Variants in DAB1 observed in about 807,000 individuals in gnomAD.
DAB1 encodes DAB adaptor protein 1.
Under a neutral mutation model 64.6 loss-of-function variants are expected in DAB1, and 15 were observed. The observed-to-expected ratio is 0.23, with a 90% CI of 0.16 to 0.36. DAB1 has a LOEUF of 0.36. Among genes scored for constraint, DAB1 ranks in the 10% least tolerant of loss-of-function variants. The probability of loss-of-function intolerance (pLI) is 1.00; values close to 1 mark genes in which losing one functional copy is unlikely to be tolerated. For synonymous variants in DAB1, 235 were observed against 251.9 expected, an observed-to-expected ratio of 0.93 and a Z score of 0.64; for missense variants, 596 against 706.7, an observed-to-expected ratio of 0.84 and a Z score of 1.78.
chr1:57,215,405 A>G (rs1267950173), intron 2 of DAB1, among the ~76,000 whole-genome samples: 2 of 152,208 alleles, frequency 1.3e-5, no homozygotes, highest in African/African-American at 2.4e-5. Flanking sequence ...ACAAAGTGCC[A>G]CTCAAGAATG....
intron 5 of DAB1, among the ~76,000 whole-genome samples, chr1:58,055,627 T>C (rs1259705265): frequency 6.6e-6 from 1 of 152,234 alleles, no homozygotes; most frequent in Non-Finnish European, 1.5e-5. Context: ...GATGGACATA[T>C]GCTAGATGCT....
At chr1:58,337,899 A>T (rs1450489814) in intron 4 of DAB1, among the ~76,000 whole-genome samples, 1 of 152,090 alleles carries the variant, frequency 6.6e-6, no homozygotes, top group South Asian at 2.1e-4. Flanking sequence ...AGTTGTACAG[A>T]TCTCTTACAC....
intron 3 of DAB1, chr1:58,468,286 T>C (rs1186973781): frequency 6.6e-6 from 1 of 152,254 alleles, no homozygotes; most frequent in Non-Finnish European, 1.5e-5. Context: ...TGACATTGTT[T>C]CACAAGTTTT....
intron 3 of DAB1, among the ~76,000 whole-genome samples, chr1:58,434,874 C>T (rs1466141460): frequency 6.6e-6 from 1 of 152,222 alleles, no homozygotes; most frequent in East Asian, 1.9e-4. Context: ...ACAGTCTCCC[C>T]ACCCAGCAGT....
upstream of DAB1, among the ~76,000 whole-genome samples, chr1:57,425,707 T>A (rs900033834): frequency 1.3e-5 from 2 of 152,142 alleles, no homozygotes; most frequent in Non-Finnish European, 2.9e-5. Flanking sequence ...CAGATGAAAT[T>A]TCCAAAAAGG....
At chr1:57,272,102 GT>G (rs1338711821) in intron 2 of DAB1, among the ~76,000 whole-genome samples, 2 of 152,170 alleles carry the variant, frequency 1.3e-5, no homozygotes, top group Non-Finnish European at 2.9e-5. Context: ...AGATGTTGGC[GT>G]TTGATTTTCT....
rs144340906 is a variant in DAB1 at position 58,053,628 on chromosome 1, G to A, written n.387+96883C>T. ...GGAGGGGACAAATATCTAAACCATA[G>A]CAGATGGTAAATGAAAATAGAAAAT... On this transcript the variant is annotated intron_variant and non_coding_transcript_variant, in intron 5 of 20. Transcript: ENST00000485760. 6.0e-3 allele frequency among the ~76,000 whole-genome samples: 915 copies of A among 152,178 alleles called. 14 individuals are homozygous for A. Among genetic ancestry groups the A allele is most frequent in the African/African-American group, 0.021 (864 of 41,512 alleles).
intron 5 of DAB1, among the ~76,000 whole-genome samples, chr1:57,919,068 G>C (rs1427495889): frequency 6.6e-6 from 1 of 152,200 alleles, no homozygotes; most frequent in Non-Finnish European, 1.5e-5. Flanking sequence ...TTTGGAGTAA[G>C]AGAGACCTCA....
chr1:57,462,106 G>A (rs12033540), intron 7 of DAB1, among the ~76,000 whole-genome samples: 11 of 151,564 alleles, frequency 7.3e-5, no homozygotes, highest in African/African-American at 1.9e-4. Context: ...CTGCCACCAC[G>A]CCCGGCTAAT....
downstream of DAB1, among the ~76,000 whole-genome samples, chr1:57,821,324 G>A (rs1222177922): frequency 2.4e-4 from 36 of 152,022 alleles, no homozygotes; most frequent in Admixed American, 2.4e-3. Flanking sequence ...AATAAAAAAA[G>A]CACCCTTCCC....
chr1:57,024,595 G>A (rs1646726605), intron 10 of DAB1, among the ~76,000 whole-genome samples: 2 of 152,140 alleles, frequency 1.3e-5, no homozygotes, highest in African/African-American at 2.4e-5. Flanking sequence ...TTTGGACTGC[G>A]CTTGGGTTCA....
chr1:57,236,374 C>G (rs1057196176), intron 2 of DAB1, among the ~76,000 whole-genome samples: 2 of 152,070 alleles, frequency 1.3e-5, no homozygotes, highest in African/African-American at 4.8e-5. Context: ...TTCGGCCGGA[C>G]CTGAAAAGCG....
intron 6 of DAB1, among the ~76,000 whole-genome samples, chr1:57,654,522 T>C (rs913954172): frequency 6.6e-6 from 1 of 152,246 alleles, no homozygotes; most frequent in African/African-American, 2.4e-5. Context: ...CTATACTAAA[T>C]TTGTTTGCTT....
chr1:58,497,195 C>T (rs1645817123), intron 3 of DAB1, among the ~76,000 whole-genome samples: 1 of 152,156 alleles, frequency 6.6e-6, no homozygotes, highest in African/African-American at 2.4e-5. Context: ...ATTATATGTA[C>T]TCACCAATTC....
At chr1:58,027,140 C>T (rs1646906383) in intron 5 of DAB1, among the ~76,000 whole-genome samples, 1 of 152,168 alleles carries the variant, frequency 6.6e-6, no homozygotes, top group Non-Finnish European at 1.5e-5. Flanking sequence ...TTGCCAAAGA[C>T]CATGATGTCT....
At chr1:58,304,114 T>C (rs1350823092) in intron 4 of DAB1, among the ~76,000 whole-genome samples, 1 of 152,076 alleles carries the variant, frequency 6.6e-6, no homozygotes, top group Non-Finnish European at 1.5e-5. Flanking sequence ...CCAGAGCATA[T>C]AAGGGCGAGA....
At chr1:57,111,723 G>C (rs1449649903) in intron 4 of DAB1, among the ~76,000 whole-genome samples, 3 of 152,038 alleles carry the variant, frequency 2.0e-5, no homozygotes, top group African/African-American at 7.2e-5. Flanking sequence ...TATTTACATG[G>C]TTATTGCCTG....
At chr1:58,104,094 C>A (rs1473094529) in intron 5 of DAB1, among the ~76,000 whole-genome samples, 2 of 152,206 alleles carry the variant, frequency 1.3e-5, no homozygotes, top group Non-Finnish European at 2.9e-5. Flanking sequence ...CCAACAGCTG[C>A]TAAGAAACCT....
intron 1 of DAB1, among the ~76,000 whole-genome samples, chr1:57,393,724 A>T (rs1558301109): frequency 6.6e-6 from 1 of 152,050 alleles, no homozygotes; most frequent in Non-Finnish European, 1.5e-5. Context: ...CCAAATCTGG[A>T]TGGGCAATTG....
Sources: gnomAD v4.1 joint callset for allele counts (sites outside exome capture counted in the v4.1 genomes callset) on GRCh38, gnomAD v4.1.1 for gene constraint, MANE v1.5 for transcripts, NCBI Gene and HGNC (gene_info 2026-07-23, HGNC 2026-07-21) for gene names.